ASB15: variants seen among roughly 807,000 people sequenced by gnomAD.
ASB15 encodes ankyrin repeat and SOCS box protein 15.
ASB15 carries 54 observed loss-of-function variants against 58.0 expected under a neutral mutation model. That is an observed-to-expected ratio of 0.93 (90% confidence interval 0.75 to 1.17). ASB15 has a LOEUF of 1.17. Among genes scored for constraint, ASB15 ranks in the 50% most tolerant of loss-of-function variants. The pLI is 0.00. For synonymous variants in ASB15, 249 were observed against 262.4 expected (o/e 0.95, Z 0.50); for missense variants, 680 against 707.4 (o/e 0.96, Z 0.44).
chr7:123,619,126 G>A (rs1286456964), intron 7 of ASB15, among the ~76,000 whole-genome samples: 2 of 140,902 alleles, frequency 1.4e-5, no homozygotes, highest in African/African-American at 5.3e-5. Context: ...GTTTCAGTGA[G>A]CCGAGATCGC....
intron 7 of ASB15, chr7:123,623,139 G>A (rs1247936026): frequency 6.6e-6 from 1 of 152,166 alleles, no homozygotes; most frequent in Non-Finnish European, 1.5e-5. Flanking sequence ...CTACGAGTGA[G>A]ATCCAAATCT....
chr7:123,604,713 C>T (rs747038207), intron 2 of ASB15, among the ~76,000 whole-genome samples: 1 of 152,018 alleles, frequency 6.6e-6, no homozygotes, highest in Admixed American at 6.6e-5. Context: ...ACAGGTGGGG[C>T]TACCTGACAG....
Position 123,627,160 on chromosome 7 carries a change from G to T in ASB15, c.748G>T (p.Ala250Ser). 6.2e-7 allele frequency: 1 copy of T among 1,614,018 alleles called. No individual in the cohort carries two copies. The highest frequency in any genetic ancestry group is 8.5e-7 in the Non-Finnish European group (1 of 1,179,926). ...TGATGGGGCGTCGGTGCTGTTTGAG[G>T]CAGCAGGAGGTGGCAATCCCGACTG... ...ADDGASVLFE[A>S]AGGGNPDCIS... is the part of the protein sequence containing the mutation. The change falls in exon 9 of 12, where the codon GCA becomes TCA. Residue 250 changes from alanine (A) to serine (S), a missense_variant. Ala to Ser is a moderately conservative substitution (Grantham distance 99, BLOSUM62 1). Transcript: ENST00000451215.
intron 7 of ASB15, among the ~76,000 whole-genome samples, chr7:123,618,775 A>C (rs1347746394): frequency 1.3e-5 from 2 of 152,244 alleles, no homozygotes; most frequent in African/African-American, 4.8e-5. Flanking sequence ...CCTTAATATT[A>C]AGAAAACCTG....
intron 3 of ASB15, among the ~76,000 whole-genome samples, chr7:123,611,073 A>T (rs1265086996): frequency 1.5e-5 from 2 of 137,026 alleles, no homozygotes; most frequent in African/African-American, 5.6e-5. Flanking sequence ...AAAGAGCAAA[A>T]CTCCATCTCA....
intron 1 of ASB15, among the ~76,000 whole-genome samples, chr7:123,590,710 T>C (rs1035512479): frequency 5.9e-5 from 9 of 152,208 alleles, no homozygotes; most frequent in Non-Finnish European, 1.3e-4. Flanking sequence ...AGCCTCATAG[T>C]ATAGTTCGAT....
chr7:123,595,341 C>T (rs985494605), intron 1 of ASB15, among the ~76,000 whole-genome samples: 5 of 152,178 alleles, frequency 3.3e-5, no homozygotes, highest in African/African-American at 7.2e-5. Flanking sequence ...CATGGCACAT[C>T]CTTTTTGCCT....
At chr7:123,578,194 G>T (rs1414859532) in intron 1 of ASB15, among the ~76,000 whole-genome samples, 1 of 149,342 alleles carries the variant, frequency 6.7e-6, no homozygotes, top group Non-Finnish European at 1.5e-5. Context: ...ACCCATACTA[G>T]ATCATCTATT....
intron 8 of ASB15, chr7:123,625,073 A>T (rs1464037623): frequency 4.8e-6 from 2 of 418,760 alleles, no homozygotes; most frequent in Non-Finnish European, 8.7e-6. Context: ...CAATCTGCAC[A>T]TAGATGGCCC....
upstream of ASB15, among the ~76,000 whole-genome samples, chr7:123,598,462 C>A (rs889030431): frequency 6.6e-6 from 1 of 152,030 alleles, no homozygotes; most frequent in African/African-American, 2.4e-5. Context: ...ACTTGAAATG[C>A]CTTTCACAAT....
chr7:123,637,049 C>T lies in ASB15; in HGVS notation c.*68C>T, dbSNP rs538954150. On this transcript the variant is annotated 3_prime_UTR_variant, in exon 12 of 12. Transcript: ENST00000451215. Reference sequence around the variant, plus strand: ...GATTCCCTCAGATAATTTCTTGTAACCATTTTACATCCTTAATTGTAAAGT... The same window carrying T: ...GATTCCCTCAGATAATTTCTTGTAATCATTTTACATCCTTAATTGTAAAGT... The T allele has an allele frequency of 5.0e-5, 54 of 1,088,116 alleles. No homozygotes were observed. In the African/African-American group the frequency reaches 7.0e-4, roughly 14 times the overall value. 67.4% of individuals were successfully genotyped at this position (1,088,116 alleles called of 1,614,324 possible).
intron 10 of ASB15, among the ~76,000 whole-genome samples, 176 bp downstream of exon 10, chr7:123,629,610 C>T (rs1470255184): frequency 1.3e-5 from 2 of 151,642 alleles, no homozygotes; most frequent in Non-Finnish European, 2.9e-5. Context: ...GCCCCCCAAC[C>T]TCTCCCCCAA....
At chr7:123,614,690 T>C in intron 4 of ASB15, 81 bp downstream of exon 4, 2 of 901,646 alleles carry the variant, frequency 2.2e-6, no homozygotes, top group East Asian at 2.5e-5. Flanking sequence ...TACCGTTTCC[T>C]AATTCCTCCT....
chr7:123,574,327 G>GA (rs1424324490), intron 1 of ASB15, among the ~76,000 whole-genome samples: 1 of 151,612 alleles, frequency 6.6e-6, no homozygotes, highest in Non-Finnish European at 1.5e-5. Context: ...AATCTTTTAA[G>GA]ACAGTGGCTC....
At chr7:123,591,635 C>A (rs1799540508) in intron 1 of ASB15, among the ~76,000 whole-genome samples, 2 of 152,112 alleles carry the variant, frequency 1.3e-5, no homozygotes, top group Non-Finnish European at 2.9e-5. Flanking sequence ...AGACTTGCAT[C>A]CCAGGGATGA....
chr7:123,598,046 G>A (rs1169535882), upstream of ASB15, among the ~76,000 whole-genome samples: 1 of 151,322 alleles, frequency 6.6e-6, no homozygotes, highest in African/African-American at 2.4e-5. Context: ...AAGCTTTTGG[G>A]ACTAGAACCA....
intron 1 of ASB15, among the ~76,000 whole-genome samples, chr7:123,585,635 T>TTG (rs35317220): frequency 0.028 from 4,064 of 147,456 alleles, 147 homozygotes; most frequent in African/African-American, 0.085. Flanking sequence ...TAGTTACTAT[T>TTG]TGTGTGTGTG....
At chr7:123,635,132 G>C (rs929563613) in intron 11 of ASB15, among the ~76,000 whole-genome samples, 1 of 152,092 alleles carries the variant, frequency 6.6e-6, no homozygotes, top group Non-Finnish European at 1.5e-5. Context: ...TATAGTGCAG[G>C]GATAGTGCAC....
At position 123,638,298 on chromosome 7, in the gene ASB15, CCTT is replaced by C. The variant is rs1341480343; in HGVS notation, c.*1324_*1326del. 3.3e-5 allele frequency: 5 copies of C among 152,134 alleles called. No homozygotes were observed. The highest frequency in any genetic ancestry group is 1.2e-4 in the African/African-American group (5 of 41,424). The allele number at this position is 152,134 out of a possible 1,614,324, so 9.4% of individuals were successfully genotyped here. On this transcript the variant is annotated 3_prime_UTR_variant, in exon 12 of 12. Transcript: ENST00000451215. ...TTGAACTTTCATGATCTAACTCCTG[CCTT>C]CTTCTTTAGCCTCATCTCTGGATGT...
Sources: gnomAD v4.1 joint callset for allele counts (sites outside exome capture counted in the v4.1 genomes callset) on GRCh38, gnomAD v4.1.1 for gene constraint, MANE v1.5 for transcripts, NCBI Gene and HGNC (gene_info 2026-07-23, HGNC 2026-07-21) for gene names.